Variants in EPHA6 observed in about 807,000 individuals in gnomAD.
EPHA6 encodes the protein ephrin type-A receptor 6.
Under a neutral mutation model 112.0 loss-of-function variants are expected in EPHA6, and 50 were observed. The observed-to-expected ratio is 0.45, with a 90% CI of 0.36 to 0.56. The LOEUF is 0.56. Among genes scored for constraint, EPHA6 ranks in the 20% least tolerant of loss-of-function variants. The pLI is 0.00. For missense variants in EPHA6, 1,280 were observed against 1,417.4 expected (o/e 0.90, Z 1.56); for synonymous variants, 529 against 490.7 (o/e 1.08, Z -1.03).
At chr3:96,924,750 C>T (rs1283794978) in intron 2 of EPHA6, among the ~76,000 whole-genome samples, 7 of 152,090 alleles carry the variant, frequency 4.6e-5, no homozygotes, top group Non-Finnish European at 7.4e-5. Context: ...TTTGCACATT[C>T]AGTATGATAT....
intron 14 of EPHA6, among the ~76,000 whole-genome samples, chr3:97,639,559 A>G (rs1218818908): frequency 1.3e-5 from 2 of 152,174 alleles, no homozygotes; most frequent in African/African-American, 4.8e-5. Flanking sequence ...GGAAATTACT[A>G]CACTCTTTGT....
At chr3:96,853,447 C>G (rs1470929219) in intron 1 of EPHA6, among the ~76,000 whole-genome samples, 1 of 151,850 alleles carries the variant, frequency 6.6e-6, no homozygotes, top group Non-Finnish European at 1.5e-5. Context: ...TTTTTCCCCT[C>G]ATTCTCCAAA....
intron 13 of EPHA6, among the ~76,000 whole-genome samples, chr3:97,625,027 T>G (rs562281707): frequency 6.6e-6 from 1 of 151,508 alleles, no homozygotes; most frequent in South Asian, 2.1e-4. Context: ...TCTTTATTGT[T>G]TTTCTATTCT....
At chr3:97,174,747 A>G (rs965903560) in intron 3 of EPHA6, among the ~76,000 whole-genome samples, 1 of 151,674 alleles carries the variant, frequency 6.6e-6, no homozygotes, top group Non-Finnish European at 1.5e-5. Flanking sequence ...AGATTATTAT[A>G]GTTTTTTTCC....
At chr3:97,512,811 C>G (rs1170323987) in intron 10 of EPHA6, among the ~76,000 whole-genome samples, 1 of 152,160 alleles carries the variant, frequency 6.6e-6, no homozygotes, top group African/African-American at 2.4e-5. Flanking sequence ...GTGATCTGCC[C>G]ACCTCGGCCT....
intron 2 of EPHA6, among the ~76,000 whole-genome samples, chr3:96,953,813 G>T (rs1420873475): frequency 1.3e-5 from 2 of 151,898 alleles, no homozygotes; most frequent in Admixed American, 6.6e-5. Context: ...AAATGGAATT[G>T]TTATCTGTAC....
chr3:96,864,909 A>G (rs1190834573), intron 1 of EPHA6, among the ~76,000 whole-genome samples: 1 of 152,110 alleles, frequency 6.6e-6, no homozygotes, highest in African/African-American at 2.4e-5. Context: ...GTATATTAAA[A>G]GAGTATTTTG....
intron 2 of EPHA6, among the ~76,000 whole-genome samples, chr3:96,937,577 G>A (rs2040666310): frequency 6.6e-6 from 1 of 152,108 alleles, no homozygotes; most frequent in Non-Finnish European, 1.5e-5. Flanking sequence ...TCTGATGGTA[G>A]TTTCTTTTGC....
chr3:97,565,330 C>A (rs561882729), intron 11 of EPHA6, among the ~76,000 whole-genome samples: 6 of 151,752 alleles, frequency 4.0e-5, no homozygotes, highest in Non-Finnish European at 5.9e-5. Flanking sequence ...TAATTATGAT[C>A]TATGATTACA....
intron 7 of EPHA6, among the ~76,000 whole-genome samples, chr3:97,458,554 A>C (rs147377387): frequency 6.6e-6 from 1 of 152,288 alleles, no homozygotes; most frequent in East Asian, 1.9e-4. Flanking sequence ...ATATATGTAC[A>C]TATATACACA....
chr3:97,373,648 A>C (rs1446568002), intron 5 of EPHA6, among the ~76,000 whole-genome samples: 1 of 152,166 alleles, frequency 6.6e-6, no homozygotes, highest in Non-Finnish European at 1.5e-5. Context: ...GTAATAAGAA[A>C]TACTGCTTTT....
At chr3:97,321,081 G>T (rs1315472652) in intron 5 of EPHA6, among the ~76,000 whole-genome samples, 1 of 151,916 alleles carries the variant, frequency 6.6e-6, no homozygotes, top group African/African-American at 2.4e-5. Context: ...ATTCATCACG[G>T]TGGAAATGTC....
intron 7 of EPHA6, among the ~76,000 whole-genome samples, chr3:97,468,180 G>A (rs1392942556): frequency 1.3e-5 from 2 of 150,304 alleles, no homozygotes; most frequent in Non-Finnish European, 3.0e-5. Context: ...AAGGGTCTCT[G>A]CTTCAACAGA....
At chr3:96,979,040 CAG>C (rs1254394356) in intron 2 of EPHA6, among the ~76,000 whole-genome samples, 1 of 151,956 alleles carries the variant, frequency 6.6e-6, no homozygotes, top group East Asian at 1.9e-4. Flanking sequence ...GATACTAAAA[CAG>C]AATTTACAGG....
intron 14 of EPHA6, among the ~76,000 whole-genome samples, chr3:97,685,050 C>T (rs76695059): frequency 0.081 from 12,312 of 152,076 alleles, 803 homozygotes; most frequent in African/African-American, 0.19. Context: ...AGTAAGTTTG[C>T]CTATGACAGC....
chr3:97,180,780 A>G (rs2076966052), intron 3 of EPHA6, among the ~76,000 whole-genome samples: 1 of 152,008 alleles, frequency 6.6e-6, no homozygotes, highest in South Asian at 2.1e-4. Flanking sequence ...AGCAGAAGGA[A>G]GGGGTCTCTT....
At chr3:97,659,113 G>T (rs762775566) in intron 14 of EPHA6, among the ~76,000 whole-genome samples, 1 of 151,956 alleles carries the variant, frequency 6.6e-6, no homozygotes, top group African/African-American at 2.4e-5. Context: ...ATTTAACTGC[G>T]AAGTTTCCCA....
intron 11 of EPHA6, among the ~76,000 whole-genome samples, chr3:97,573,171 G>A (rs1442092397): frequency 6.6e-6 from 1 of 152,152 alleles, no homozygotes; most frequent in African/African-American, 2.4e-5. Flanking sequence ...GAATAACTAT[G>A]TCTCCAAATG....
chr3:96,850,205 G>A (rs897336513), intron 1 of EPHA6, among the ~76,000 whole-genome samples: 16 of 152,070 alleles, frequency 1.1e-4, no homozygotes, highest in African/African-American at 3.6e-4. Flanking sequence ...ACATTAAGGG[G>A]ATGAATTCAG....
Sources: allele counts gnomAD v4.1 joint callset (sites outside exome capture counted in the v4.1 genomes callset), GRCh38; gene constraint gnomAD v4.1.1; transcripts MANE v1.5; gene names NCBI Gene and HGNC (gene_info 2026-07-23, HGNC 2026-07-21).